The following CHODL variants were observed in gnomAD, a reference collection of about 807,000 sequenced individuals.
The protein encoded by CHODL is chondrolectin.
In CHODL, 29 loss-of-function variants were observed where a neutral mutation model predicts 34.5. That is an observed-to-expected ratio of 0.84 (90% CI 0.63 to 1.15). The LOEUF is 1.15. CHODL is among the 50% of genes most tolerant of loss of function. The pLI is 0.00. For missense variants in CHODL, 332 were observed against 332.5 expected (o/e 1.00, Z 0.01); for synonymous variants, 125 against 116.1 (o/e 1.08, Z -0.49).
chr21:18,219,675 T>A (rs1308390951), intron 2 of CHODL, among the ~76,000 whole-genome samples: 1 of 152,198 alleles, frequency 6.6e-6, no homozygotes, highest in African/African-American at 2.4e-5. Flanking sequence ...TCCATGATTA[T>A]TAGGGATATC....
intron 1 of CHODL, 52 bp from the exon 2 acceptor site, chr21:18,256,457 T>C (rs2074315222): frequency 1.3e-6 from 2 of 1,491,916 alleles, no homozygotes; most frequent in Non-Finnish European, 1.8e-6. Flanking sequence ...TTAGTGTTGT[T>C]ACAAATAGAG....
chr21:18,214,102 C>G (rs1275252587), intron 2 of CHODL, among the ~76,000 whole-genome samples: 3 of 152,058 alleles, frequency 2.0e-5, no homozygotes, highest in Non-Finnish European at 4.4e-5. Flanking sequence ...GCAATGCCAA[C>G]TTTGTCATCC....
At chr21:18,084,572 T>C (rs1390551519) in intron 2 of CHODL, among the ~76,000 whole-genome samples, 1 of 152,166 alleles carries the variant, frequency 6.6e-6, no homozygotes, top group Non-Finnish European at 1.5e-5. Context: ...ATTTGTATAG[T>C]TTGTGAAGGT....
chr21:18,154,414 T>G (rs1444338931), intron 2 of CHODL, among the ~76,000 whole-genome samples: 1 of 152,166 alleles, frequency 6.6e-6, no homozygotes, highest in Non-Finnish European at 1.5e-5. Context: ...AGTCCTTAGC[T>G]TTCATTAGTT....
At chr21:18,250,763 A>G (rs2074225880) in intron 1 of CHODL, among the ~76,000 whole-genome samples, 2 of 151,934 alleles carry the variant, frequency 1.3e-5, no homozygotes, top group African/African-American at 4.8e-5. Flanking sequence ...AAATTATGAA[A>G]AAGAAAAAAA....
At chr21:18,009,002 A>G (rs891533627) in intron 1 of CHODL, among the ~76,000 whole-genome samples, 1 of 152,230 alleles carries the variant, frequency 6.6e-6, no homozygotes, top group Non-Finnish European at 1.5e-5. Context: ...GGTTTCAGAT[A>G]TATTCACCAC....
In CHODL at chr21:18,230,929, AT is replaced by A. The variant is rs201892839; in HGVS notation, c.-44-25572del. On this transcript the variant is annotated intron_variant, in intron 2 of 6. Coordinates refer to the CHODL transcript ENST00000400127. ...AATACAAATGCTTTTCTATTTTATG[AT>A]TTTTTTTCTTTCATTCGTACTTAGA... Among the ~76,000 whole-genome samples, 985 of 152,020 alleles carry A rather than the reference AT, an allele frequency of 6.5e-3. 1 individual carries two copies. Among genetic ancestry groups the A allele is most frequent in the African/African-American group, 0.015 (626 of 41,486 alleles).
intron 2 of CHODL, among the ~76,000 whole-genome samples, chr21:18,145,162 C>T (rs974400917): frequency 4.0e-5 from 6 of 151,052 alleles, no homozygotes; most frequent in Admixed American, 1.3e-4. Flanking sequence ...TTGGGCCGGG[C>T]GCGGTGGCTC....
At chr21:18,050,615 G>C (rs1428930060) in intron 2 of CHODL, among the ~76,000 whole-genome samples, 1 of 151,944 alleles carries the variant, frequency 6.6e-6, no homozygotes, top group East Asian at 1.9e-4. Flanking sequence ...GGAGAGAATA[G>C]AACCAACGAT....
intron 1 of CHODL, among the ~76,000 whole-genome samples, chr21:17,940,681 C>T (rs1034091175): frequency 3.9e-5 from 6 of 152,270 alleles, no homozygotes; most frequent in African/African-American, 1.4e-4. Flanking sequence ...TTCTTATATG[C>T]ACAAAAATTT....
intron 1 of CHODL, among the ~76,000 whole-genome samples, chr21:17,996,220 C>T (rs528319360): frequency 6.6e-6 from 1 of 152,178 alleles, no homozygotes; most frequent in East Asian, 1.9e-4. Context: ...TCAAATACCT[C>T]CTGTTGGTAA....
In CHODL at chr21:18,171,198, G is replaced by GTTTTTTTTTTTTTTTT. The variant is rs1177005708; in HGVS notation, c.-44-85307_-44-85292dup. Among the ~76,000 whole-genome samples the GTTTTTTTTTTTTTTTT allele has an allele frequency of 1.1e-4, 4 of 37,080 alleles. 1 individual carries two copies. Among genetic ancestry groups the GTTTTTTTTTTTTTTTT allele is most frequent in the African/African-American group, 1.4e-4 (1 of 6,942 alleles). 24.3% of individuals were successfully genotyped at this position (37,080 alleles called of 152,430 possible). A position where few individuals can be genotyped will look rare whatever the true frequency, so the allele number is the denominator to read the frequency against. On this transcript the variant is annotated intron_variant, in intron 2 of 6. Transcript: ENST00000400127. ...TGTTCTTCAGACATGGTTTTCTTTA[G>GTTTTTTTTTTTTTTTT]TTTTTTTTTTTTTTTTTTTGAGACG...
intron 2 of CHODL, among the ~76,000 whole-genome samples, chr21:18,161,840 T>A (rs2073099111): frequency 6.6e-6 from 1 of 152,212 alleles, no homozygotes; most frequent in Admixed American, 6.5e-5. Flanking sequence ...GGCTGAAAGC[T>A]CCTAAGGGTA....
chr21:17,952,494 TTAAAAA>T (rs2063466740), intron 1 of CHODL, among the ~76,000 whole-genome samples: 1 of 152,114 alleles, frequency 6.6e-6, no homozygotes, highest in East Asian at 1.9e-4. Context: ...AAAAAAATCC[TTAAAAA>T]TGAAGAAAAT....
rs755031660 is a variant in CHODL at position 18,260,213 on chromosome 21, A to G, written c.561A>G (p.Thr187=). ...ICKYEPEINP[T]APVEKPYLTN... ...TATTATTTACAGAGATTAATCCAACAGCCCCTGTAGAAAAGCCTTATCTTA... is the reference window on the plus strand; with the variant it reads ...TATTATTTACAGAGATTAATCCAACGGCCCCTGTAGAAAAGCCTTATCTTA... Residue 187 remains threonine, a synonymous_variant, in exon 4 of 6, where the codon ACA becomes ACG. Coordinates refer to ENST00000299295, the MANE Select transcript of CHODL (RefSeq NM_024944.3). The G allele has an allele frequency of 1.9e-6, 3 of 1,566,682 alleles. No homozygotes were observed. In the Admixed American group the frequency reaches 5.7e-5, roughly 30 times the overall value.
intron 2 of CHODL, among the ~76,000 whole-genome samples, chr21:18,176,896 A>G (rs1308440519): frequency 6.6e-6 from 1 of 152,104 alleles, no homozygotes; most frequent in Non-Finnish European, 1.5e-5. Context: ...GACCCATGAG[A>G]CAGGCAACAT....
chr21:18,079,615 A>G (rs1325632883), intron 2 of CHODL, among the ~76,000 whole-genome samples: 1 of 151,188 alleles, frequency 6.6e-6, no homozygotes, highest in East Asian at 1.9e-4. Flanking sequence ...TCACATATAT[A>G]TACCATATGT....
At chr21:17,942,415 G>A (rs149636260) in intron 1 of CHODL, among the ~76,000 whole-genome samples, 3 of 152,242 alleles carry the variant, frequency 2.0e-5, no homozygotes, top group South Asian at 2.1e-4. Context: ...CCCTGCACAA[G>A]CTCTCTTGTT....
At chr21:18,177,310 T>C (rs969167244) in intron 2 of CHODL, among the ~76,000 whole-genome samples, 2 of 152,112 alleles carry the variant, frequency 1.3e-5, no homozygotes, top group Non-Finnish European at 2.9e-5. Context: ...TTATGTAAAT[T>C]GTTTAACATT....
Sources: gnomAD v4.1 joint callset for allele counts (sites outside exome capture counted in the v4.1 genomes callset) on GRCh38, gnomAD v4.1.1 for gene constraint, MANE v1.5 for transcripts, NCBI Gene and HGNC (gene_info 2026-07-23, HGNC 2026-07-21) for gene names.